RPS6KA5: variants seen among roughly 807,000 people sequenced by gnomAD.
The protein encoded by RPS6KA5 is ribosomal protein S6 kinase alpha-5.
Under a neutral mutation model 85.5 loss-of-function variants are expected in RPS6KA5, and 27 were observed. The observed-to-expected ratio is 0.32, with a 90% CI of 0.23 to 0.44. The LOEUF (loss-of-function observed/expected upper bound fraction) is 0.44, where lower values mean the gene tolerates loss of function less well. Among genes scored for constraint, RPS6KA5 ranks in the 20% least tolerant of loss-of-function variants. The pLI is 1.00. For missense variants in RPS6KA5, 811 were observed against 980.9 expected (o/e 0.83, Z 2.31); for synonymous variants, 334 against 348.2 (o/e 0.96, Z 0.46).
At chr14:90,995,032 T>C (rs1271676111) in intron 2 of RPS6KA5, among the ~76,000 whole-genome samples, 1 of 152,174 alleles carries the variant, frequency 6.6e-6, no homozygotes, top group Non-Finnish European at 1.5e-5. Flanking sequence ...TCATACTTGC[T>C]TGTGTGTGGT....
intron 1 of RPS6KA5, among the ~76,000 whole-genome samples, chr14:91,005,501 T>C (rs1300717583): frequency 6.6e-6 from 1 of 152,190 alleles, no homozygotes; most frequent in Non-Finnish European, 1.5e-5. Context: ...TAGTAAGTAG[T>C]ATCATATTTA....
chr14:90,906,043 G>A (rs2035481868), intron 8 of RPS6KA5, 106 bp downstream of exon 8: 1 of 1,126,268 alleles, frequency 8.9e-7, no homozygotes, highest in Non-Finnish European at 1.2e-6. Flanking sequence ...AAATGCCAGT[G>A]GAAAATGATC....
chr14:90,978,494 A>C lies in RPS6KA5; in HGVS notation c.206T>G (p.Ile69Arg). 6.3e-7 allele frequency: 1 copy of C among 1,599,544 alleles called. No homozygotes were observed. The highest frequency in any genetic ancestry group is 8.5e-7 in the Non-Finnish European group (1 of 1,174,762). ...CAGCTTTCCAGTATCATGGCCACTT[A>C]TTTTACGAACTAGAAATACTTTTCC... ...AYGKVFLVRK[I>R]SGHDTGKLYA... Residue 69 changes from isoleucine to arginine, a missense_variant, in exon 3 of 17, where the codon ATA becomes AGA. Transcript: ENST00000614987.
intron 1 of RPS6KA5, among the ~76,000 whole-genome samples, chr14:91,054,935 A>T (rs2043252566): frequency 6.6e-6 from 1 of 152,102 alleles, no homozygotes; most frequent in Non-Finnish European, 1.5e-5. Context: ...ATACATAAAG[A>T]ACTCTCATAT....
At chr14:90,960,664 A>G (rs867046253) in intron 3 of RPS6KA5, among the ~76,000 whole-genome samples, 1 of 152,214 alleles carries the variant, frequency 6.6e-6, no homozygotes, top group Non-Finnish European at 1.5e-5. Flanking sequence ...TTACGGTCCA[A>G]TCTACCTGGT....
chr14:90,902,122 C>T (rs1482794037), intron 9 of RPS6KA5, among the ~76,000 whole-genome samples: 2 of 151,394 alleles, frequency 1.3e-5, no homozygotes, highest in East Asian at 3.9e-4. Flanking sequence ...AAAAAGGCTG[C>T]AGTGAGCTAT....
chr14:91,049,141 C>T (rs950297905), intron 1 of RPS6KA5, among the ~76,000 whole-genome samples: 10 of 152,196 alleles, frequency 6.6e-5, no homozygotes, highest in Non-Finnish European at 1.3e-4. Context: ...TTTTCTTAAT[C>T]TCTAAAATTC....
At chr14:90,950,420 C>T (rs2038111449) in intron 3 of RPS6KA5, among the ~76,000 whole-genome samples, 1 of 152,052 alleles carries the variant, frequency 6.6e-6, no homozygotes, top group Non-Finnish European at 1.5e-5. Flanking sequence ...CCTTTTCTTG[C>T]CTACAATGTT....
At chr14:90,881,898 A>G (rs2033867402) in intron 14 of RPS6KA5, among the ~76,000 whole-genome samples, 1 of 152,226 alleles carries the variant, frequency 6.6e-6, no homozygotes, top group African/African-American at 2.4e-5. Flanking sequence ...TCTTTTGCAG[A>G]CAGCATATAG....
chr14:90,984,080 C>T (rs911094791), intron 2 of RPS6KA5, among the ~76,000 whole-genome samples: 35 of 152,102 alleles, frequency 2.3e-4, no homozygotes, highest in African/African-American at 8.0e-4. Context: ...TCCTGACCTC[C>T]GGTGATCCAC....
intron 14 of RPS6KA5, among the ~76,000 whole-genome samples, chr14:90,879,252 ATG>A (rs2033673330): frequency 6.7e-6 from 1 of 150,312 alleles, no homozygotes; most frequent in Non-Finnish European, 1.5e-5. Flanking sequence ...TCCAGAACGC[ATG>A]AGTAAATAAC....
intron 7 of RPS6KA5, among the ~76,000 whole-genome samples, chr14:90,915,355 C>T (rs773010743): frequency 9.2e-5 from 14 of 152,102 alleles, no homozygotes; most frequent in Non-Finnish European, 1.5e-4. Context: ...ATGTCAATTG[C>T]GTGATTAGGT....
Position 90,875,198 on chromosome 14 carries a change from T to A in RPS6KA5, c.1996+3A>T. On this transcript the variant is annotated splice_donor_region_variant and intron_variant, in intron 15 of 16. Coordinates refer to ENST00000614987, the MANE Select transcript of RPS6KA5 (RefSeq NM_004755.4). ...AAAATGTAAAATTTCATTAGATTCT[T>A]ACCTTGGATCAAATCTTTAGCCTCT... is the stretch of plus-strand genomic sequence containing the variant. 6.2e-7 allele frequency: 1 copy of A among 1,610,278 alleles called. No individual in the cohort carries two copies. The highest frequency in any genetic ancestry group is 8.5e-7 in the Non-Finnish European group (1 of 1,178,166).
chr14:91,049,966 A>G (rs1595559053), intron 1 of RPS6KA5, among the ~76,000 whole-genome samples: 1 of 152,250 alleles, frequency 6.6e-6, no homozygotes, highest in African/African-American at 2.4e-5. Context: ...ATTGACCACA[A>G]TCTACATGCA....
At chr14:90,942,319 T>C (rs2037615641) in intron 5 of RPS6KA5, among the ~76,000 whole-genome samples, 1 of 152,180 alleles carries the variant, frequency 6.6e-6, no homozygotes, top group African/African-American at 2.4e-5. Context: ...TACAAAAATT[T>C]TAGTATGATT....
chr14:90,965,646 G>C (rs1329961622), intron 3 of RPS6KA5, among the ~76,000 whole-genome samples: 5 of 152,104 alleles, frequency 3.3e-5, no homozygotes, highest in Non-Finnish European at 2.9e-5. Context: ...GAGACTGACA[G>C]CATGGGTTTC....
chr14:91,057,253 C>G (rs2043362058), intron 1 of RPS6KA5, among the ~76,000 whole-genome samples: 1 of 152,072 alleles, frequency 6.6e-6, no homozygotes, highest in Non-Finnish European at 1.5e-5. Flanking sequence ...TCTGTTCAAT[C>G]CTATACTCTG....
At position 90,853,781 on chromosome 14, in the gene RPS6KA5, A is replaced by T. The variant is rs2032138303; in HGVS notation, c.*18293T>A. ...AATAATCCTGGAGCTCTGGAATGTT[A>T]TTCCCTCTTAAAGCTGTATTAGGTC... On this transcript the variant is annotated 3_prime_UTR_variant, in exon 17 of 17. Transcript: ENST00000614987. 6.6e-6 allele frequency: 1 copy of T among 152,112 alleles called. No homozygotes were observed. The highest frequency in any genetic ancestry group is 1.5e-5 in the Non-Finnish European group (1 of 68,020). 9.4% of individuals were successfully genotyped at this position (152,112 alleles called of 1,614,324 possible).
chr14:91,016,702 G>A (rs561785889), intron 1 of RPS6KA5, among the ~76,000 whole-genome samples: 3 of 152,064 alleles, frequency 2.0e-5, no homozygotes, highest in African/African-American at 4.8e-5. Context: ...TCGGTTCTTC[G>A]CTTTGCTTGA....
Sources: allele counts gnomAD v4.1 joint callset (sites outside exome capture counted in the v4.1 genomes callset), GRCh38; gene constraint gnomAD v4.1.1; transcripts MANE v1.5; gene names NCBI Gene and HGNC (gene_info 2026-07-23, HGNC 2026-07-21).